Variants in KALRN observed in about 807,000 individuals in gnomAD.
KALRN encodes kalirin RhoGEF kinase.
Under a neutral mutation model 353.7 loss-of-function variants are expected in KALRN, and 70 were observed. The ratio of observed to expected loss-of-function variants is 0.20; its 90% CI spans 0.16 to 0.24. The LOEUF (loss-of-function observed/expected upper bound fraction) is 0.24, where lower values mean the gene tolerates loss of function less well. KALRN is among the 10% of genes least tolerant of loss of function. The probability of loss-of-function intolerance (pLI) is 1.00; values close to 1 mark genes in which losing one functional copy is unlikely to be tolerated. For missense variants in KALRN, 2,791 were observed against 3,756.7 expected (o/e 0.74, Z 6.72); for synonymous variants, 1,391 against 1,434.8 (o/e 0.97, Z 0.69).
At chr3:124,099,157 A>G (rs2061661798) in intron 1 of KALRN, among the ~76,000 whole-genome samples, 1 of 152,226 alleles carries the variant, frequency 6.6e-6, no homozygotes, top group African/African-American at 2.4e-5. Flanking sequence ...TATACAATAT[A>G]GTGTTATTAA....
At chr3:124,345,209 C>A (rs2082146053) in intron 9 of KALRN, among the ~76,000 whole-genome samples, 1 of 152,178 alleles carries the variant, frequency 6.6e-6, no homozygotes, top group Non-Finnish European at 1.5e-5. Context: ...TATCATCAAA[C>A]CTCAATTTGT....
intron 33 of KALRN, among the ~76,000 whole-genome samples, chr3:124,509,156 A>G (rs2065582121): frequency 6.6e-6 from 1 of 152,148 alleles, no homozygotes; most frequent in African/African-American, 2.4e-5. Flanking sequence ...TCTGAAGGCT[A>G]TACATTGGTA....
intron 6 of KALRN, among the ~76,000 whole-genome samples, chr3:124,314,639 T>C (rs2078630539): frequency 6.6e-6 from 1 of 152,262 alleles, no homozygotes; most frequent in South Asian, 2.1e-4. Context: ...TACAGGAAGA[T>C]GAAAGACACT....
intron 31 of KALRN, among the ~76,000 whole-genome samples, 165 bp from the exon 32 acceptor site, chr3:124,492,575 C>G (rs769121235): frequency 6.6e-6 from 1 of 152,020 alleles, no homozygotes; most frequent in African/African-American, 2.4e-5. Flanking sequence ...GTTGGAGAAG[C>G]CTGTTTCTGG....
At chr3:124,624,813 G>A (rs930125728) in intron 34 of KALRN, among the ~76,000 whole-genome samples, 1 of 152,214 alleles carries the variant, frequency 6.6e-6, no homozygotes. Flanking sequence ...ATTCTAGGAA[G>A]AGATTGCAGG....
intron 1 of KALRN, among the ~76,000 whole-genome samples, chr3:124,168,520 A>C (rs1578882008): frequency 6.6e-6 from 1 of 152,130 alleles, no homozygotes; most frequent in Admixed American, 6.5e-5. Flanking sequence ...TGCTGGTGAG[A>C]GTCATTGGGA....
At chr3:124,368,963 TCAGG>T (rs1439042272) in intron 10 of KALRN, among the ~76,000 whole-genome samples, 4 of 151,368 alleles carry the variant, frequency 2.6e-5, no homozygotes, top group Admixed American at 6.6e-5. Flanking sequence ...GGCAGGAGAA[TCAGG>T]CAGGGAGGTT....
chr3:124,616,408 T>C (rs2078602603), intron 34 of KALRN, among the ~76,000 whole-genome samples: 1 of 152,212 alleles, frequency 6.6e-6, no homozygotes, highest in Non-Finnish European at 1.5e-5. Flanking sequence ...GACTGCAACT[T>C]AGCTCCTACT....
At chr3:124,645,937 C>G (rs629455) in intron 37 of KALRN, among the ~76,000 whole-genome samples, 35,532 of 151,886 alleles carry the variant, frequency 0.23, 4,431 homozygotes, top group East Asian at 0.47. Flanking sequence ...CCAGGGCTCC[C>G]TTTTATTCAC....
In KALRN at chr3:124,041,703, G is replaced by A. The variant is rs185990557; in HGVS notation, c.73+7890G>A. On this transcript the variant is annotated intron_variant, in intron 1 of 59. Coordinates refer to ENST00000682506, the MANE Select transcript of KALRN (RefSeq NM_001388419.1). ...GTGCACAGAGAATCAGGTCCTTCCT[G>A]CCTTTTCTCTGGATGCAGAGGAAAG... is the stretch of plus-strand genomic sequence containing the variant. Among the ~76,000 whole-genome samples, 424 of 152,296 alleles carry A rather than the reference G, an allele frequency of 2.8e-3. 2 individuals carry two copies. Among genetic ancestry groups the A allele is most frequent in the Non-Finnish European group, 4.9e-3 (333 of 68,024 alleles).
At position 124,462,566 on chromosome 3, in the gene KALRN, C is replaced by G. The variant is rs551346771; in HGVS notation, c.3964C>G (p.Pro1322Ala). 3 of 1,611,652 alleles carry G rather than the reference C, an allele frequency of 1.9e-6. No individual in the cohort carries two copies. Among genetic ancestry groups the G allele is most frequent in the African/African-American group, 1.3e-5 (1 of 74,842 alleles). The change falls in exon 25 of 60, where the codon CCT becomes GCT. Residue 1322 changes from proline (P) to alanine (A), a missense_variant. Pro to Ala is a conservative substitution (Grantham distance 27). This residue lies in a region of KALRN where 268 missense variants were observed against 347.0 expected (regional missense o/e 0.77). Coordinates refer to ENST00000682506, the MANE Select transcript of KALRN (RefSeq NM_001388419.1). The stretch of plus-strand genomic sequence containing the variant: ...GACCAGTGGTGTGGAGGAGATCCCC[C>G]CTGGGATCCTCAATAAAGAGCATAT... ...EMTSGVEEIP[P>A]GILNKEHIIF...
intron 1 of KALRN, among the ~76,000 whole-genome samples, chr3:124,063,092 A>AC (rs1237107302): frequency 6.6e-6 from 1 of 152,046 alleles, no homozygotes; most frequent in African/African-American, 2.4e-5. Flanking sequence ...GAGTTAGTGA[A>AC]CCCTTCCAGG....
At chr3:124,699,789 CTG>C in intron 55 of KALRN, 78 bp from the exon 56 acceptor site, 1 of 1,361,430 alleles carries the variant, frequency 7.3e-7, no homozygotes, top group Non-Finnish European at 1.0e-6. Context: ...GTCTATTTTC[CTG>C]TCTTTGTTTG....
At chr3:124,175,140 C>T (rs1264171639) in intron 1 of KALRN, among the ~76,000 whole-genome samples, 1 of 152,252 alleles carries the variant, frequency 6.6e-6, no homozygotes, top group Non-Finnish European at 1.5e-5. Flanking sequence ...CCAGGAGAGG[C>T]TTTGGTTCTG....
intron 6 of KALRN, among the ~76,000 whole-genome samples, chr3:124,321,281 A>T (rs2079310848): frequency 6.6e-6 from 1 of 152,236 alleles, no homozygotes; most frequent in South Asian, 2.1e-4. Flanking sequence ...TTCTCTTGGC[A>T]ATGATCTTCT....
Position 124,395,115 on chromosome 3 carries a change from T to A in KALRN, c.1963-20T>A, listed in dbSNP as rs372931752. The A allele has an allele frequency of 6.9e-6, 11 of 1,597,796 alleles. No homozygotes were observed. The highest frequency in any genetic ancestry group is 9.4e-6 in the Non-Finnish European group (11 of 1,166,952). ...CCTCTCCCATCTTCCCTGAGTGGAA[T>A]CTCTGCTCTCTCTCTACAGTTGTGG... On this transcript the variant is annotated intron_variant, in intron 11 of 59. Coordinates refer to ENST00000682506, the MANE Select transcript of KALRN (RefSeq NM_001388419.1).
At chr3:124,657,028 T>G (rs1348452847) in intron 39 of KALRN, among the ~76,000 whole-genome samples, 1 of 152,196 alleles carries the variant, frequency 6.6e-6, no homozygotes, top group Non-Finnish European at 1.5e-5. Context: ...ATGCTACCTG[T>G]CCAACCTCAA....
chr3:124,234,974 G>C (rs1487312679), intron 3 of KALRN, 31 bp downstream of exon 3: 2 of 1,518,588 alleles, frequency 1.3e-6, no homozygotes, highest in Admixed American at 1.9e-5. Context: ...CTGCAGGGGA[G>C]CGGGAGGGGA....
At chr3:124,398,198 AC>A (rs1553947756) in intron 12 of KALRN, among the ~76,000 whole-genome samples, 4 of 152,220 alleles carry the variant, frequency 2.6e-5, no homozygotes, top group Non-Finnish European at 2.9e-5. Context: ...GAGCATACTT[AC>A]AATTTTGGCA....
Sources: allele counts gnomAD v4.1 joint callset (sites outside exome capture counted in the v4.1 genomes callset), GRCh38; gene constraint gnomAD v4.1.1; regional missense constraint gnomAD v4.1.1; transcripts MANE v1.5; gene names NCBI Gene and HGNC (gene_info 2026-07-23, HGNC 2026-07-21).